RASGRF2: variants seen among roughly 807,000 people sequenced by gnomAD.
The protein encoded by RASGRF2 is Ras protein specific guanine nucleotide releasing factor 2.
RASGRF2 carries 76 observed loss-of-function variants against 151.0 expected under a neutral mutation model. The ratio of observed to expected loss-of-function variants is 0.50; its 90% CI spans 0.42 to 0.61. RASGRF2 has a LOEUF of 0.61. RASGRF2 is among the 20% of genes least tolerant of loss of function. The pLI, the probability that RASGRF2 is intolerant of heterozygous loss-of-function variation, is 0.00. For synonymous variants in RASGRF2, 504 were observed against 566.5 expected (o/e 0.89, Z 1.57); for missense variants, 1,148 against 1,564.6 (o/e 0.73, Z 4.49).
At chr5:81,153,451 A>T (rs1361021281) in intron 17 of RASGRF2, among the ~76,000 whole-genome samples, 2 of 152,192 alleles carry the variant, frequency 1.3e-5, no homozygotes, top group Non-Finnish European at 2.9e-5. Flanking sequence ...TGAGCCAAGG[A>T]TGGAGGGCAC....
rs35551649 is a variant in RASGRF2 at position 81,046,386 on chromosome 5, GA to G, written c.395+3413del. Among the ~76,000 whole-genome samples, 18 of 148,880 alleles carry G rather than the reference GA, an allele frequency of 1.2e-4. 1 individual carries two copies. Among genetic ancestry groups the G allele is most frequent in the East Asian group, 1.2e-3 (6 of 5,094 alleles). ...TGTTTTCTCCTTTAGATCTGGCCCA[GA>G]AAAAAAAAATCGTTTTGGAATTAAC... On this transcript the variant is annotated intron_variant, in intron 2 of 26. Transcript: ENST00000265080.
intron 2 of RASGRF2, among the ~76,000 whole-genome samples, chr5:81,050,620 G>A (rs1464588172): frequency 6.6e-6 from 1 of 152,076 alleles, no homozygotes; most frequent in Admixed American, 6.6e-5. Context: ...GTGTGGGAAT[G>A]TCTCTTCCAG....
intron 1 of RASGRF2, chr5:80,997,106 A>G (rs1748909841): frequency 1.3e-5 from 2 of 152,208 alleles, no homozygotes; most frequent in Non-Finnish European, 2.9e-5. Flanking sequence ...CTTTCTTCAC[A>G]TTTTTATAAA....
At chr5:80,981,170 G>A (rs1272356277) in intron 1 of RASGRF2, among the ~76,000 whole-genome samples, 3 of 152,086 alleles carry the variant, frequency 2.0e-5, no homozygotes, top group African/African-American at 7.2e-5. Flanking sequence ...TAAGACTTTT[G>A]TTGTTGTTCT....
At chr5:81,027,231 A>G (rs913746253) in intron 1 of RASGRF2, among the ~76,000 whole-genome samples, 3 of 152,186 alleles carry the variant, frequency 2.0e-5, no homozygotes, top group Non-Finnish European at 4.4e-5. Flanking sequence ...CTAATAAACT[A>G]TGGGCTTTAG....
intron 17 of RASGRF2, among the ~76,000 whole-genome samples, chr5:81,149,341 G>T (rs1440529974): frequency 6.6e-6 from 1 of 152,240 alleles, no homozygotes; most frequent in Non-Finnish European, 1.5e-5. Flanking sequence ...CTTGGATGGA[G>T]TTGGAGGCCA....
chr5:81,156,805 C>T (rs1754269639), intron 17 of RASGRF2, among the ~76,000 whole-genome samples: 1 of 152,026 alleles, frequency 6.6e-6, no homozygotes, highest in Non-Finnish European at 1.5e-5. Flanking sequence ...TTCAACATTG[C>T]GCTGGAGTAT....
rs1751662662 is a variant in RASGRF2 at position 81,068,062 on chromosome 5, A to G, written c.426A>G (p.Val142=). ...CAGACATTTTGATTGAGAGGGAAGT[A>G]TTAATGCAGAAGTACATTCATCTAG... ...SYADILIERE[V]LMQKYIHLVQ... is the part of the protein sequence containing the mutation. Residue 142 remains valine (V), a synonymous_variant, in exon 3 of 27, where the codon GTA becomes GTG. Transcript: ENST00000265080. 1.2e-6 allele frequency: 2 copies of G among 1,609,628 alleles called. No individual in the cohort carries two copies.
intron 1 of RASGRF2, among the ~76,000 whole-genome samples, chr5:80,983,893 T>G (rs1346350308): frequency 2.6e-5 from 4 of 152,246 alleles, no homozygotes; most frequent in African/African-American, 9.6e-5. Flanking sequence ...TACTTCTTTT[T>G]CATGTGGCCA....
At chr5:81,011,386 A>G (rs1160990207) in intron 1 of RASGRF2, among the ~76,000 whole-genome samples, 1 of 152,200 alleles carries the variant, frequency 6.6e-6, no homozygotes, top group Non-Finnish European at 1.5e-5. Context: ...CATTAAACCA[A>G]CATTACAGTG....
chr5:80,992,181 G>GACACACACACACACAC (rs1748671551), intron 1 of RASGRF2, among the ~76,000 whole-genome samples: 1 of 17,192 alleles, frequency 5.8e-5, no homozygotes, highest in Admixed American at 4.1e-4. Flanking sequence ...TGCACACACA[G>GACACACACACACACAC]ATACACACAC....
rs1396067303 is a variant in RASGRF2, at chr5:81,012,514, T to C, written c.289-30363T>C. On this transcript the variant is annotated intron_variant, in intron 1 of 26. Transcript: ENST00000265080. ...CTCCCCAGCCGTAGCGTGTGGTCAG[T>C]AGACGGAATCTAGACGGCGTCTGTC... Among the ~76,000 whole-genome samples, 4 of 152,176 alleles carry C rather than the reference T, an allele frequency of 2.6e-5. No homozygotes were observed. In the East Asian group the frequency reaches 7.7e-4, roughly 29 times the overall value.
chr5:81,062,868 T>C (rs964137890), intron 2 of RASGRF2, among the ~76,000 whole-genome samples: 2 of 152,204 alleles, frequency 1.3e-5, no homozygotes. Flanking sequence ...TTTCCTGCAG[T>C]AAGTGTGTGG....
intron 18 of RASGRF2, among the ~76,000 whole-genome samples, chr5:81,194,630 C>G (rs1312708327): frequency 6.6e-6 from 1 of 152,066 alleles, no homozygotes; most frequent in African/African-American, 2.4e-5. Context: ...ACACTCCATC[C>G]CTTGACAGTT....
At chr5:81,171,075 A>G (rs73768033) in intron 17 of RASGRF2, among the ~76,000 whole-genome samples, 1,993 of 152,298 alleles carry the variant, frequency 0.013, 19 homozygotes, top group Middle Eastern at 0.041. Flanking sequence ...GCCCATTTTC[A>G]TCCTCCCTTA....
chr5:81,014,883 A>G (rs1202387609), intron 1 of RASGRF2, among the ~76,000 whole-genome samples: 1 of 152,120 alleles, frequency 6.6e-6, no homozygotes, highest in Non-Finnish European at 1.5e-5. Context: ...CAAATATTTT[A>G]TTGGTATAGA....
intron 13 of RASGRF2, among the ~76,000 whole-genome samples, chr5:81,109,682 G>T (rs1239243410): frequency 6.6e-6 from 1 of 152,030 alleles, no homozygotes; most frequent in Non-Finnish European, 1.5e-5. Context: ...AAATACCAAC[G>T]AAGACTTCAG....
intron 1 of RASGRF2, among the ~76,000 whole-genome samples, chr5:81,004,717 G>T (rs955128524): frequency 5.9e-5 from 9 of 152,204 alleles, no homozygotes; most frequent in African/African-American, 2.2e-4. Context: ...CAGTTGAAAT[G>T]GCTCTGGAGA....
At chr5:81,035,673 G>C (rs1750464215) in intron 1 of RASGRF2, among the ~76,000 whole-genome samples, 1 of 151,980 alleles carries the variant, frequency 6.6e-6, no homozygotes, top group East Asian at 1.9e-4. Context: ...AGATACAGCT[G>C]AATAGAGAAT....
Sources: allele counts gnomAD v4.1 joint callset (sites outside exome capture counted in the v4.1 genomes callset), GRCh38; gene constraint gnomAD v4.1.1; transcripts MANE v1.5; gene names NCBI Gene and HGNC (gene_info 2026-07-23, HGNC 2026-07-21).